Variants in CENPB observed in about 807,000 individuals in gnomAD.
The protein encoded by CENPB is centromere protein B.
Under a neutral mutation model 41.9 loss-of-function variants are expected in CENPB, and 19 were observed. The observed-to-expected ratio is 0.45, with a 90% CI of 0.32 to 0.67. The LOEUF (loss-of-function observed/expected upper bound fraction) is 0.67, where lower values mean the gene tolerates loss of function less well. CENPB is among the 30% of genes least tolerant of loss of function. The probability of loss-of-function intolerance (pLI) is 0.04; values close to 1 mark genes in which losing one functional copy is unlikely to be tolerated. For missense variants in CENPB, 614 were observed against 816.2 expected, an observed-to-expected ratio of 0.75 and a Z score of 3.02; for synonymous variants, 399 against 354.4, an observed-to-expected ratio of 1.13 and a Z score of -1.41.
Position 3,785,758 on chromosome 20 carries a change from C to A in CENPB, c.726G>T (p.Leu242=). The change falls in exon 1 of 1, where the codon CTG becomes CTT. Residue 242 remains leucine, a synonymous_variant. Transcript: ENST00000379751. ...GGGGCTTGGCCGACTTGCCGGCCAC[C>A]AGCGGGGGCAGCTTCTCGCTGCCGT... ...NADGSEKLPP[L]VAGKSAKPRA... The A allele has an allele frequency of 6.2e-7, 1 of 1,608,820 alleles. No homozygotes were observed. Among genetic ancestry groups the A allele is most frequent in the South Asian group, 1.1e-5 (1 of 90,806 alleles).
At position 3,785,245 on chromosome 20, in the gene CENPB, TTCC is replaced by T. The variant is rs545901224; in HGVS notation, c.1236_1238del (p.Glu419del). On this transcript the variant is annotated inframe_deletion, in exon 1 of 1. Transcript: ENST00000379751. ...CTTCACCCTCTTCCTCCTCCTCTTC[TTCC>T]TCCTCCTCCTCCTCTTCCTCTCCCT... 1.7e-3 allele frequency: 2,145 copies of T among 1,296,910 alleles called. 16 individuals are homozygous for T. The African/African-American group carries it at 0.021, about 13-fold the overall frequency. 80.3% of individuals were successfully genotyped at this position (1,296,910 alleles called of 1,614,324 possible). A position where few individuals can be genotyped will look rare whatever the true frequency, so the allele number is the denominator to read the frequency against.
In CENPB at chr20:3,784,741, C is replaced by T; in HGVS notation, c.1743G>A (p.Val581=). The change falls in exon 1 of 1, where the codon GTG becomes GTA. Residue 581 remains valine, a synonymous_variant. Transcript: ENST00000379751. This position sits in a 1 kb window ranked among gnomAD's most constrained non-coding sequence, Gnocchi z 5.2. ...CCTGCCTGGCGTGGTTCTTCCTGGT[C>T]ACATGAACCAGATCGTGTTCCAAGT... The part of the protein sequence containing the change: ...ILHLEHDLVH[V]TRKNHARQAG... 1 of 1,614,124 alleles carries T rather than the reference C, an allele frequency of 6.2e-7. No homozygotes were observed. The highest frequency in any genetic ancestry group is 1.3e-5 in the African/African-American group (1 of 75,038).
In CENPB at chr20:3,784,068, C is replaced by A. The variant is rs957352877; in HGVS notation, c.*616G>T. 8 of 153,560 alleles carry A rather than the reference C, an allele frequency of 5.2e-5. No homozygotes were observed. Among genetic ancestry groups the A allele is most frequent in the African/African-American group, 1.9e-4 (8 of 41,450 alleles). 9.5% of individuals were successfully genotyped at this position (153,560 alleles called of 1,614,324 possible). On this transcript the variant is annotated 3_prime_UTR_variant, in exon 1 of 1. Transcript: ENST00000379751. This position sits in a 1 kb window ranked among gnomAD's most constrained non-coding sequence, Gnocchi z 5.2. ...TCCACGGTGGGGGGCCTCTTGGAAA[C>A]CTCCAATCTGGAAAGAAAACCAAGG...
chr20:3,784,577 A>C lies in CENPB; in HGVS notation c.*107T>G. On this transcript the variant is annotated 3_prime_UTR_variant, in exon 1 of 1. Transcript: ENST00000379751. This position sits in a 1 kb window ranked among gnomAD's most constrained non-coding sequence, Gnocchi z 5.2. The stretch of plus-strand genomic sequence containing the variant: ...GGACCAGGGGAAGCATTACTAAAGG[A>C]TCTGGGGCTCTGCACTCTGGCTCCA... 7.5e-7 allele frequency: 1 copy of C among 1,338,668 alleles called. No individual in the cohort carries two copies. The highest frequency in any genetic ancestry group is 1.0e-6 in the Non-Finnish European group (1 of 965,148). The allele number at this position is 1,338,668 out of a possible 1,614,324, so 82.9% of individuals were successfully genotyped here. A position where few individuals can be genotyped will look rare whatever the true frequency, so the allele number is the denominator to read the frequency against.
Position 3,786,512 on chromosome 20 carries a change from GCGCCGC to G in CENPB, c.-35_-30del. On this transcript the variant is annotated 5_prime_UTR_variant, in exon 1 of 1. Transcript: ENST00000379751. ...GGCGCGCCCCCCGCCCCGGGGCCCG[GCGCCGC>G]CGCCGCCGCCCCGGGGCGGGGGGCC... 2 of 985,530 alleles carry G rather than the reference GCGCCGC, an allele frequency of 2.0e-6. No individual in the cohort carries two copies. The highest frequency in any genetic ancestry group is 2.5e-6 in the Non-Finnish European group (2 of 807,790). 61.0% of individuals were successfully genotyped at this position (985,530 alleles called of 1,614,324 possible).
rs759774207 is a variant in CENPB at position 3,786,367 on chromosome 20, C to T, written c.117G>A (p.Pro39=). ...TCTTCAGGATCGTGCTCAGCGTGGACGGCGGGATGTTGAAGCGCCGCGCGA... is the reference window on the plus strand; with the variant it reads ...TCTTCAGGATCGTGCTCAGCGTGGATGGCGGGATGTTGAAGCGCCGCGCGA... ...GEIARRFNIP[P]STLSTILKNK... The change falls in exon 1 of 1, where the codon CCG becomes CCA. Residue 39 remains proline, a synonymous_variant. Coordinates refer to ENST00000379751, the MANE Select transcript of CENPB (RefSeq NM_001810.6). 3.1e-6 allele frequency: 5 copies of T among 1,605,002 alleles called. No homozygotes were observed. The South Asian group carries it at 4.4e-5, about 14-fold the overall frequency.
In CENPB at chr20:3,783,930, CG is replaced by C. The variant is rs2146638926; in HGVS notation, c.*753del. The C allele has an allele frequency of 6.6e-6, 1 of 152,554 alleles. No individual in the cohort carries two copies. Among genetic ancestry groups the C allele is most frequent in the South Asian group, 2.1e-4 (1 of 4,834 alleles). 9.5% of individuals were successfully genotyped at this position (152,554 alleles called of 1,614,324 possible). On this transcript the variant is annotated 3_prime_UTR_variant, in exon 1 of 1. Coordinates refer to ENST00000379751, the MANE Select transcript of CENPB (RefSeq NM_001810.6). This position sits in a 1 kb window ranked among gnomAD's most constrained non-coding sequence, Gnocchi z 4.2. ...TCAAACTGGGAAAGGAGCAGCTGGACGGCTGGACTCTGGGCCCAGCCCCAGG... is the reference window on the plus strand; with the variant it reads ...TCAAACTGGGAAAGGAGCAGCTGGACGCTGGACTCTGGGCCCAGCCCCAGG...
rs748614679 is a variant in CENPB, at chr20:3,784,985, G to A, written c.1499C>T (p.Thr500Ile). Residue 500 changes from threonine (T) to isoleucine (I), a missense_variant, in exon 1 of 1, where the codon ACT becomes ATT. This residue lies in a region of CENPB where 537 missense variants were observed against 629.4 expected (regional missense o/e 0.85). Transcript: ENST00000379751. The surrounding 1 kb of genome is among the most constrained non-coding windows in gnomAD (Gnocchi z 5.2). ...YGAQEEAQCPTLHFLEGGEDS... is the reference protein window; with the variant it reads ...YGAQEEAQCPILHFLEGGEDS... The stretch of plus-strand genomic sequence containing the variant: ...CTCCCCACCTTCCAGGAAATGCAGA[G>A]TAGGGCACTGGGCTTCCTCCTGGGC... 9 of 1,613,802 alleles carry A rather than the reference G, an allele frequency of 5.6e-6. No homozygotes were observed. The highest frequency in any genetic ancestry group is 7.6e-6 in the Non-Finnish European group (9 of 1,179,970).
Position 3,785,203 on chromosome 20 carries a change from C to T in CENPB, c.1281G>A (p.Glu427=). 7.2e-7 allele frequency: 1 copy of T among 1,381,122 alleles called. No homozygotes were observed. Among genetic ancestry groups the T allele is most frequent in the Non-Finnish European group, 9.6e-7 (1 of 1,042,120 alleles). 85.6% of individuals were successfully genotyped at this position (1,381,122 alleles called of 1,614,324 possible). A position where few individuals can be genotyped will look rare whatever the true frequency, so the allele number is the denominator to read the frequency against. Residue 427 remains glutamate (E), a synonymous_variant, in exon 1 of 1, where the codon GAG becomes GAA. Transcript: ENST00000379751. ...CTTCCTCCTCCTCCTCCTCCCCTTC[C>T]TCCTCCTCTTCCTCTCCTTCACCCT... The part of the protein sequence containing the change: ...EEEGEGEEEE[E]EGEEEEEEGG...
At position 3,784,341 on chromosome 20, in the gene CENPB, G is replaced by C. The variant is rs1218738284; in HGVS notation, c.*343C>G. 1 of 254,690 alleles carries C rather than the reference G, an allele frequency of 3.9e-6. No homozygotes were observed. Among genetic ancestry groups the C allele is most frequent in the East Asian group, 1.1e-4 (1 of 9,074 alleles). 15.8% of individuals were successfully genotyped at this position (254,690 alleles called of 1,614,324 possible). A position where few individuals can be genotyped will look rare whatever the true frequency, so the allele number is the denominator to read the frequency against. On this transcript the variant is annotated 3_prime_UTR_variant, in exon 1 of 1. Transcript: ENST00000379751. This position sits in a 1 kb window ranked among gnomAD's most constrained non-coding sequence, Gnocchi z 5.2. The stretch of plus-strand genomic sequence containing the variant: ...CAGAGGGGAGAGGCACTCTCCGGCC[G>C]GGAACCTCCAGGGCCCATCCCTGGC...
rs1427154119 is a variant in CENPB, at chr20:3,786,488, G to A, written c.-5C>T. On this transcript the variant is annotated 5_prime_UTR_variant, in exon 1 of 1. Transcript: ENST00000379751. ...CTGTCGCCTCTTGGGGCCCATCCCG[G>A]CGCGCCCCCCGCCCCGGGGCCCGGC... 3 of 1,328,096 alleles carry A rather than the reference G, an allele frequency of 2.3e-6. No homozygotes were observed. Among genetic ancestry groups the A allele is most frequent in the South Asian group, 3.3e-5 (2 of 61,490 alleles). 82.3% of individuals were successfully genotyped at this position (1,328,096 alleles called of 1,614,324 possible). A position where few individuals can be genotyped will look rare whatever the true frequency, so the allele number is the denominator to read the frequency against.
chr20:3,785,899 G>T lies in CENPB; in HGVS notation c.585C>A (p.Thr195=). 6.2e-7 allele frequency: 1 copy of T among 1,607,462 alleles called. No homozygotes were observed. The part of the protein sequence containing the change: ...GYASQDVFSA[T]ETSLWYDFLP... The stretch of plus-strand genomic sequence containing the variant: ...GGAAGTCGTACCATAGACTGGTCTC[G>T]GTGGCGCTGAACACGTCCTGCGAGG... The change falls in exon 1 of 1, where the codon ACC becomes ACA. Residue 195 remains threonine, a synonymous_variant. Coordinates refer to ENST00000379751, the MANE Select transcript of CENPB (RefSeq NM_001810.6).
Position 3,785,528 on chromosome 20 carries a change from G to T in CENPB, c.956C>A (p.Pro319His). 1 of 1,598,436 alleles carries T rather than the reference G, an allele frequency of 6.3e-7. No homozygotes were observed. Among genetic ancestry groups the T allele is most frequent in the Middle Eastern group, 1.7e-4 (1 of 6,038 alleles). The change falls in exon 1 of 1, where the codon CCC (proline) becomes CAC (histidine). Residue 319 changes from proline (P) to histidine (H), a missense_variant. Physicochemically the swap from Pro to His is moderately conservative, Grantham distance 77. Coordinates refer to ENST00000379751, the MANE Select transcript of CENPB (RefSeq NM_001810.6). ...CCTCTCCAGCGGATGCACGGTGCCG[G>T]GAGGGAAGAAGGCCAGCTGCACATG... ...LRHVQLAFFP[P>H]GTVHPLERGV...
Position 3,785,554 on chromosome 20 carries a change from C to A in CENPB, c.930G>T (p.Arg310=), listed in dbSNP as rs778796408. Residue 310 remains arginine (R), a synonymous_variant, in exon 1 of 1, where the codon CGG becomes CGT. Coordinates refer to ENST00000379751, the MANE Select transcript of CENPB (RefSeq NM_001810.6). ...AAQSLDTSGL[R]HVQLAFFPPG... ...GAGGGAAGAAGGCCAGCTGCACATG[C>A]CGCAGGCCCGAGGTGTCCAAGGACT... The A allele has an allele frequency of 2.5e-6, 4 of 1,598,584 alleles. No individual in the cohort carries two copies. Among genetic ancestry groups the A allele is most frequent in the Non-Finnish European group, 3.4e-6 (4 of 1,173,104 alleles).
rs2088796535 is a variant in CENPB at position 3,783,910 on chromosome 20, CTG to C, written c.*772_*773del. On this transcript the variant is annotated 3_prime_UTR_variant, in exon 1 of 1. Transcript: ENST00000379751. This position sits in a 1 kb window ranked among gnomAD's most constrained non-coding sequence, Gnocchi z 4.2. ...AGTGGACAGATTTATTGAAATCAAA[CTG>C]GGAAAGGAGCAGCTGGACGGCTGGA... 6.6e-6 allele frequency: 1 copy of C among 152,354 alleles called. No individual in the cohort carries two copies. The highest frequency in any genetic ancestry group is 1.5e-5 in the Non-Finnish European group (1 of 68,146). The allele number at this position is 152,354 out of a possible 1,614,324, so 9.4% of individuals were successfully genotyped here.
chr20:3,785,177 C>CCTT lies in CENPB; in HGVS notation c.1304_1306dup (p.Glu435dup). 1 of 1,238,764 alleles carries CCTT rather than the reference C, an allele frequency of 8.1e-7. No homozygotes were observed. The highest frequency in any genetic ancestry group is 1.1e-6 in the Non-Finnish European group (1 of 929,506). The allele number at this position is 1,238,764 out of a possible 1,614,324, so 76.7% of individuals were successfully genotyped here. A position where few individuals can be genotyped will look rare whatever the true frequency, so the allele number is the denominator to read the frequency against. On this transcript the variant is annotated inframe_insertion, in exon 1 of 1. Coordinates refer to ENST00000379751, the MANE Select transcript of CENPB (RefSeq NM_001810.6). ...CTCCCCCAATTCCTCTCCTTCCCCC[C>CCTT]CTTCCTCCTCCTCCTCCTCCCCTTC...
chr20:3,786,321 A>G lies in CENPB; in HGVS notation c.163T>C (p.Ser55Pro). 6.2e-7 allele frequency: 1 copy of G among 1,607,058 alleles called. No individual in the cohort carries two copies. The highest frequency in any genetic ancestry group is 8.5e-7 in the Non-Finnish European group (1 of 1,179,672). ...ILKNKRAILA[S>P]ERKYGVASTC... ...GAGGCCACCCCGTACTTGCGCTCCGACGCCAGGATGGCGCGCTTGTTCTTC... is the reference window on the plus strand; with the variant it reads ...GAGGCCACCCCGTACTTGCGCTCCGGCGCCAGGATGGCGCGCTTGTTCTTC... The change falls in exon 1 of 1, where the codon TCG (serine) becomes CCG (proline). Residue 55 changes from serine to proline, a missense_variant. Ser to Pro is a moderately conservative substitution (Grantham distance 74, BLOSUM62 -1). Coordinates refer to ENST00000379751, the MANE Select transcript of CENPB (RefSeq NM_001810.6).
Position 3,785,696 on chromosome 20 carries a change from G to T in CENPB, c.788C>A (p.Ala263Asp). 1.2e-6 allele frequency: 2 copies of T among 1,609,242 alleles called. No homozygotes were observed. Among genetic ancestry groups the T allele is most frequent in the Non-Finnish European group, 1.7e-6 (2 of 1,177,796 alleles). The part of the protein sequence containing the change: ...GQAGLPCDYT[A>D]NSKGGVTTQA... ...GGTGGTGACACCACCCTTGGAGTTG[G>T]CGGTGTAGTCGCAGGGCAGGCCGGC... is the stretch of plus-strand genomic sequence containing the variant. Residue 263 changes from alanine (A) to aspartate (D), a missense_variant, in exon 1 of 1, where the codon GCC becomes GAC. Ala to Asp is a moderately radical substitution (Grantham distance 126). Coordinates refer to ENST00000379751, the MANE Select transcript of CENPB (RefSeq NM_001810.6).
chr20:3,784,662 G>C lies in CENPB; in HGVS notation c.*22C>G. ...GGGTGGTGCTGCCAATCTAGGTTGGGGGCACAGCTAGGTCCAGTGACTCAG... is the reference window on the plus strand; with the variant it reads ...GGGTGGTGCTGCCAATCTAGGTTGGCGGCACAGCTAGGTCCAGTGACTCAG... On this transcript the variant is annotated 3_prime_UTR_variant, in exon 1 of 1. Transcript: ENST00000379751. The surrounding 1 kb of genome is among the most constrained non-coding windows in gnomAD (Gnocchi z 5.2). The C allele has an allele frequency of 1.9e-6, 3 of 1,612,008 alleles. No homozygotes were observed. The highest frequency in any genetic ancestry group is 2.5e-6 in the Non-Finnish European group (3 of 1,179,004).
Sources: allele counts gnomAD v4.1 joint callset, GRCh38; gene constraint gnomAD v4.1.1; regional missense constraint gnomAD v4.1.1; non-coding constraint Gnocchi (gnomAD v3.1); transcripts MANE v1.5; gene names NCBI Gene and HGNC (gene_info 2026-07-23, HGNC 2026-07-21).